Variants in ULK1 observed in about 807,000 individuals in gnomAD.
The protein encoded by ULK1 is serine/threonine-protein kinase ULK1.
Under a neutral mutation model 117.5 loss-of-function variants are expected in ULK1, and 48 were observed. That is an observed-to-expected ratio of 0.41 (90% CI 0.32 to 0.52). The LOEUF is 0.52. Ranked by LOEUF, ULK1 falls within the 20% of genes least tolerant of loss-of-function variation. The probability of loss-of-function intolerance (pLI) is 0.29; values close to 1 mark genes in which losing one functional copy is unlikely to be tolerated. For synonymous variants in ULK1, 790 were observed against 637.8 expected (o/e 1.24, Z -3.60); for missense variants, 1,387 against 1,473.4 (o/e 0.94, Z 0.96).
Position 131,916,962 on chromosome 12 carries a change from C to A in ULK1, c.2082C>A (p.Ser694Arg). Reference protein sequence around the residue: ...DPKGPFGRSFSTSRLTDLLLK... With the variant: ...DPKGPFGRSFRTSRLTDLLLK... ...CTGCACACTCCCACAGGTCTTTCAG[C>A]ACCAGCCGCCTCACTGACCTGCTCC... The change falls in exon 21 of 28, where the codon AGC becomes AGA. Residue 694 changes from serine to arginine, a missense_variant. Coordinates refer to ENST00000321867, the MANE Select transcript of ULK1 (RefSeq NM_003565.4). 1 of 1,610,658 alleles carries A rather than the reference C, an allele frequency of 6.2e-7. No homozygotes were observed. Among genetic ancestry groups the A allele is most frequent in the Non-Finnish European group, 8.5e-7 (1 of 1,179,006 alleles).
rs200330940 is a variant in ULK1 at position 131,921,338 on chromosome 12, C to T, written c.3130C>T (p.Leu1044=). ...GTGCATTGAGCGGAGACTCTCGGCGCTGCTGACTGGCATCTGTGCCTGACC... is the reference window on the plus strand; with the variant it reads ...GTGCATTGAGCGGAGACTCTCGGCGTTGCTGACTGGCATCTGTGCCTGACC... ...KLCIERRLSA[L]LTGICA is the part of the protein sequence containing the mutation. Residue 1044 remains leucine (L), a synonymous_variant, in exon 28 of 28, where the codon CTG becomes TTG. Coordinates refer to ENST00000321867, the MANE Select transcript of ULK1 (RefSeq NM_003565.4). 6.9e-5 allele frequency: 110 copies of T among 1,605,570 alleles called. No homozygotes were observed. The highest frequency in any genetic ancestry group is 4.3e-5 in the Non-Finnish European group (51 of 1,179,952).
At chr12:131,913,150 C>T (rs1179006808) in intron 13 of ULK1, 48 bp from the exon 14 acceptor site, 15 of 1,513,556 alleles carry the variant, frequency 9.9e-6, no homozygotes, top group African/African-American at 1.4e-5. Flanking sequence ...TGGGGTGGCC[C>T]TGGGCAGGCG....
At chr12:131,908,220 C>A (rs1357139548) in intron 5 of ULK1, among the ~76,000 whole-genome samples, 1 of 152,132 alleles carries the variant, frequency 6.6e-6, no homozygotes, top group South Asian at 2.1e-4. Flanking sequence ...GCGAGGAGGA[C>A]CCCACGGACC....
At chr12:131,908,618 A>C in intron 5 of ULK1, 26 bp from the exon 6 acceptor site, 2 of 1,452,054 alleles carry the variant, frequency 1.4e-6, no homozygotes, top group Non-Finnish European at 9.0e-7. Context: ...CACGGCCCCC[A>C]GGCCCTGAGC....
chr12:131,909,905 T>G lies in ULK1; in HGVS notation c.726-14T>G, dbSNP rs199921612. The G allele has an allele frequency of 2.7e-5, 44 of 1,611,448 alleles. No individual in the cohort carries two copies. In the East Asian group the frequency reaches 5.4e-4, roughly 20 times the overall value. ...CCCGCAGGCCCTGCTCACACCAGCC[T>G]CCTCTTGCCCCAGCATCCCCCGGGA... On this transcript the variant is annotated splice_polypyrimidine_tract_variant and intron_variant, in intron 9 of 27. Transcript: ENST00000321867.
chr12:131,909,567 G>T (rs575150041), intron 8 of ULK1, among the ~76,000 whole-genome samples: 47 of 152,274 alleles, frequency 3.1e-4, no homozygotes, highest in African/African-American at 2.4e-4. Flanking sequence ...CCGCGTTCTG[G>T]GGGGTGGACA....
intron 3 of ULK1, among the ~76,000 whole-genome samples, chr12:131,904,209 C>T (rs1432388849): frequency 6.6e-6 from 1 of 152,176 alleles, no homozygotes; most frequent in South Asian, 2.1e-4. Flanking sequence ...TGCAGTGGCA[C>T]GATCTCCCGG....
At chr12:131,914,162 C>T (rs903704494) in intron 15 of ULK1, among the ~76,000 whole-genome samples, 190 bp from the exon 16 acceptor site, 4 of 152,244 alleles carry the variant, frequency 2.6e-5, no homozygotes, top group African/African-American at 9.6e-5. Flanking sequence ...AGGTGGGGTG[C>T]AGGTGCCACA....
chr12:131,904,132 G>A (rs1650874092), intron 3 of ULK1, among the ~76,000 whole-genome samples: 1 of 151,980 alleles, frequency 6.6e-6, no homozygotes, highest in Non-Finnish European at 1.5e-5. Flanking sequence ...TGCCACAGGG[G>A]TCTCCCTGGT....
chr12:131,915,307 AC>A (rs1486063733), intron 17 of ULK1, 27 bp from the exon 18 acceptor site: 2 of 1,611,990 alleles, frequency 1.2e-6, no homozygotes, highest in Non-Finnish European at 1.7e-6. Flanking sequence ...TCCCAGCTGG[AC>A]CCTGACAGAT....
At chr12:131,913,610 C>T (rs12227124) in intron 14 of ULK1, 137 bp from the exon 15 acceptor site, 68,385 of 586,986 alleles carry the variant, frequency 0.12, 7,163 homozygotes, top group East Asian at 0.55. Context: ...GAGGCTGAGG[C>T]AGGAGAATCG....
Position 131,921,219 on chromosome 12 carries a change from C to G in ULK1, c.3081C>G (p.Ile1027Met), listed in dbSNP as rs138011167. Residue 1027 changes from isoleucine (I) to methionine (M), a missense_variant, in exon 27 of 28, where the codon ATC (isoleucine) becomes ATG (methionine). By Grantham distance (10) the Ile-to-Met change is conservative. Coordinates refer to ENST00000321867, the MANE Select transcript of ULK1 (RefSeq NM_003565.4). ...ACATGCTCTCGGACCAGGCCGACAT[C>G]GAGAACGTCACCAAGTGTGAGTGCC... ...LQHMLSDQAD[I>M]ENVTKCKLCI... The G allele has an allele frequency of 6.2e-7, 1 of 1,607,228 alleles. No homozygotes were observed. Among genetic ancestry groups the G allele is most frequent in the Non-Finnish European group, 8.5e-7 (1 of 1,179,806 alleles).
intron 13 of ULK1, 89 bp downstream of exon 13, chr12:131,912,178 T>G: frequency 6.7e-7 from 1 of 1,498,082 alleles, no homozygotes; most frequent in South Asian, 1.3e-5. Flanking sequence ...GTGTAACACA[T>G]TTCCACTTAT....
intron 3 of ULK1, among the ~76,000 whole-genome samples, chr12:131,896,092 C>A (rs1383932285): frequency 6.6e-6 from 1 of 152,146 alleles, no homozygotes; most frequent in Admixed American, 6.5e-5. Context: ...CCCCGCCGGG[C>A]GTCAGTCCTA....
At position 131,915,901 on chromosome 12, in the gene ULK1, ACCCGAGCACTCTC is replaced by A; in HGVS notation, c.1625_1637del (p.Glu542AlafsTer101). 1 of 1,611,026 alleles carries A rather than the reference ACCCGAGCACTCTC, an allele frequency of 6.2e-7. No homozygotes were observed. Among genetic ancestry groups the A allele is most frequent in the African/African-American group, 1.3e-5 (1 of 75,020 alleles). The stretch of plus-strand genomic sequence containing the variant: ...CGTGTCTCTCTCTAGGCTCCTCTGC[ACCCGAGCACTCTC>A]CCCGCACTTCCGGGCTGGGCTGCCG... On this transcript the variant is annotated frameshift_variant, in exon 19 of 28. Coordinates refer to ENST00000321867, the MANE Select transcript of ULK1 (RefSeq NM_003565.4). LOFTEE classifies it high-confidence loss of function.
chr12:131,914,915 A>C (rs1889704778), intron 16 of ULK1, among the ~76,000 whole-genome samples, 168 bp from the exon 17 acceptor site: 1 of 152,178 alleles, frequency 6.6e-6, no homozygotes, highest in Non-Finnish European at 1.5e-5. Context: ...GACAGAGTGC[A>C]TTAGAGGATG....
intron 22 of ULK1, 130 bp from the exon 23 acceptor site, chr12:131,918,367 T>C (rs1566128380): frequency 9.0e-7 from 1 of 1,112,384 alleles, no homozygotes; most frequent in Non-Finnish European, 1.3e-6. Context: ...TGTTGGAGCA[T>C]TGGGATATAA....
At chr12:131,911,255 G>T (rs7299456) in intron 12 of ULK1, among the ~76,000 whole-genome samples, 150,500 of 152,312 alleles carry the variant, frequency 0.99, 74,385 homozygotes, top group East Asian at 1. Flanking sequence ...CCATCTGACT[G>T]GGAGCCTGGC....
At chr12:131,913,349 G>A (rs960545495) in intron 14 of ULK1, 91 bp downstream of exon 14, 32 of 1,291,330 alleles carry the variant, frequency 2.5e-5, no homozygotes, top group Middle Eastern at 2.0e-4. Flanking sequence ...CCGAGATCGC[G>A]CCACTGCACT....
Sources: gnomAD v4.1 joint callset for allele counts (sites outside exome capture counted in the v4.1 genomes callset) on GRCh38, gnomAD v4.1.1 for gene constraint, MANE v1.5 for transcripts, NCBI Gene and HGNC (gene_info 2026-07-23, HGNC 2026-07-21) for gene names.